PCDH17: variants seen among roughly 807,000 people sequenced by gnomAD.
The protein encoded by PCDH17 is protocadherin-17.
A neutral mutation model predicts 67.7 loss-of-function variants in PCDH17; 21 were observed. That is an observed-to-expected ratio of 0.31 (90% CI 0.22 to 0.45). The LOEUF is 0.45. Among genes scored for constraint, PCDH17 ranks in the 20% least tolerant of loss-of-function variants. PCDH17 has a pLI of 1.00. For synonymous variants in PCDH17, 701 were observed against 656.7 expected (o/e 1.07, Z -1.03); for missense variants, 1,471 against 1,564.8 (o/e 0.94, Z 1.01).
intron 3 of PCDH17, among the ~76,000 whole-genome samples, chr13:57,710,608 C>A (rs1955767498): frequency 6.6e-6 from 1 of 151,850 alleles, no homozygotes; most frequent in Non-Finnish European, 1.5e-5. Context: ...TTATACCATT[C>A]TACGTCTGGA....
At chr13:57,705,022 C>A (rs1054591032) in intron 3 of PCDH17, among the ~76,000 whole-genome samples, 3 of 152,006 alleles carry the variant, frequency 2.0e-5, no homozygotes, top group Middle Eastern at 3.4e-3. Context: ...GTCTCAATTT[C>A]TTTTTAAAGC....
At chr13:57,630,319 T>C (rs1226551270), upstream of PCDH17, among the ~76,000 whole-genome samples, 1 of 149,676 alleles carries the variant, frequency 6.7e-6, no homozygotes, top group Non-Finnish European at 1.5e-5. Flanking sequence ...GACACCAGAC[T>C]GAAAGAGACC....
intron 3 of PCDH17, among the ~76,000 whole-genome samples, chr13:57,704,564 C>CAAAA (rs112583999): frequency 3.3e-5 from 4 of 122,292 alleles, no homozygotes; most frequent in African/African-American, 1.2e-4. Flanking sequence ...AATCTCTATC[C>CAAAA]AAAAAAAAAA....
At chr13:57,665,555 C>T (rs74921681) in intron 1 of PCDH17, among the ~76,000 whole-genome samples, 8,986 of 151,964 alleles carry the variant, frequency 0.059, 400 homozygotes, top group East Asian at 0.25. Flanking sequence ...AGTATAATGC[C>T]GTGATATGAA....
In PCDH17 at chr13:57,670,580, A is replaced by T. The variant is rs995913297; in HGVS notation, c.2797+3747A>T. Among the ~76,000 whole-genome samples, 13 of 149,300 alleles carry T rather than the reference A, an allele frequency of 8.7e-5. No homozygotes were observed. The East Asian group carries it at 1.7e-3, about 20-fold the overall frequency. On this transcript the variant is annotated intron_variant, in intron 3 of 3. Coordinates refer to ENST00000377918, the MANE Select transcript of PCDH17 (RefSeq NM_001040429.3). The stretch of plus-strand genomic sequence containing the variant: ...TAGAATATAATTTAAAAATATATAT[A>T]TTTTTTCCAATTTAAATGATCTCAT...
intron 3 of PCDH17, among the ~76,000 whole-genome samples, chr13:57,717,369 A>C (rs1955827183): frequency 1.3e-5 from 2 of 151,988 alleles, no homozygotes; most frequent in African/African-American, 2.4e-5. Context: ...CCTTATCATA[A>C]ATTTCATTTC....
At chr13:57,650,517 C>G (rs1955023554) in intron 1 of PCDH17, among the ~76,000 whole-genome samples, 1 of 152,030 alleles carries the variant, frequency 6.6e-6, no homozygotes. Context: ...GGAAAAACAA[C>G]AACTATTACA....
At chr13:57,700,930 G>A (rs941578616) in intron 3 of PCDH17, among the ~76,000 whole-genome samples, 2 of 152,060 alleles carry the variant, frequency 1.3e-5, no homozygotes, top group Non-Finnish European at 2.9e-5. Context: ...GTCGGAGGTT[G>A]AGGCAGGAGG....
At chr13:57,643,192 A>T (rs1191461723) in intron 1 of PCDH17, among the ~76,000 whole-genome samples, 1 of 151,536 alleles carries the variant, frequency 6.6e-6, no homozygotes, top group East Asian at 1.9e-4. Context: ...ACCTAACCAC[A>T]TGTGTAAAGT....
chr13:57,665,172 T>TGGGG (rs549277336), intron 1 of PCDH17, among the ~76,000 whole-genome samples: 14 of 150,496 alleles, frequency 9.3e-5, no homozygotes, highest in African/African-American at 3.4e-4. Flanking sequence ...AAGAAATTTG[T>TGGGG]GGGGGGGGTT....
intron 3 of PCDH17, among the ~76,000 whole-genome samples, chr13:57,706,029 A>T (rs1486644232): frequency 1.3e-5 from 2 of 152,004 alleles, no homozygotes; most frequent in Admixed American, 6.6e-5. Flanking sequence ...AAAAAAAAAA[A>T]AATACCCTTA....
chr13:57,652,917 A>G (rs1236558174), intron 1 of PCDH17, among the ~76,000 whole-genome samples: 1 of 152,130 alleles, frequency 6.6e-6, no homozygotes, highest in Non-Finnish European at 1.5e-5. Flanking sequence ...TGGTTCCTAG[A>G]TTGCAGGTCA....
At chr13:57,665,065 T>G (rs899647767) in intron 1 of PCDH17, among the ~76,000 whole-genome samples, 2 of 152,160 alleles carry the variant, frequency 1.3e-5, no homozygotes, top group Non-Finnish European at 2.9e-5. Context: ...TGCATGTACT[T>G]TGACATGCAG....
At chr13:57,642,205 G>A (rs771827683) in intron 1 of PCDH17, among the ~76,000 whole-genome samples, 7 of 151,554 alleles carry the variant, frequency 4.6e-5, no homozygotes, top group Non-Finnish European at 8.9e-5. Context: ...AACTTTTAAT[G>A]TTTTTGATTG....
intron 3 of PCDH17, among the ~76,000 whole-genome samples, chr13:57,719,365 A>G (rs544783173): frequency 1.3e-5 from 2 of 152,134 alleles, no homozygotes; most frequent in African/African-American, 4.8e-5. Context: ...CCTGGCCACA[A>G]CAATTTAGAC....
chr13:57,660,049 A>G (rs994841050), intron 1 of PCDH17, among the ~76,000 whole-genome samples: 1 of 152,108 alleles, frequency 6.6e-6, no homozygotes, highest in Non-Finnish European at 1.5e-5. Flanking sequence ...GACTAGGGCA[A>G]CTTGGCAAAA....
Position 57,729,290 on chromosome 13 carries a change from G to T in PCDH17, c.*3996G>T, listed in dbSNP as rs1038603972. ...GATCTATCTGGAAAATGAGGACTCC[G>T]AATAAAAAGCTATTACTAATAGTGG... On this transcript the variant is annotated 3_prime_UTR_variant, in exon 4 of 4. Transcript: ENST00000377918. 1 of 152,006 alleles carries T rather than the reference G, an allele frequency of 6.6e-6. No individual in the cohort carries two copies. Among genetic ancestry groups the T allele is most frequent in the African/African-American group, 2.4e-5 (1 of 41,406 alleles). 9.4% of individuals were successfully genotyped at this position (152,006 alleles called of 1,614,324 possible).
Position 57,727,674 on chromosome 13 carries a change from C to G in PCDH17, c.*2380C>G, listed in dbSNP as rs138137253. On this transcript the variant is annotated 3_prime_UTR_variant, in exon 4 of 4. Coordinates refer to ENST00000377918, the MANE Select transcript of PCDH17 (RefSeq NM_001040429.3). ...TTGTACATGTGAAACCTAATTGACT[C>G]TCTATATTTTGGACAATTTATGTAT... 6.6e-6 allele frequency: 1 copy of G among 152,180 alleles called. No homozygotes were observed. The highest frequency in any genetic ancestry group is 1.5e-5 in the Non-Finnish European group (1 of 67,980). The allele number at this position is 152,180 out of a possible 1,614,324, so 9.4% of individuals were successfully genotyped here.
rs1955914855 is a variant in PCDH17, at chr13:57,726,118, A to G, written c.*824A>G. 1 of 152,668 alleles carries G rather than the reference A, an allele frequency of 6.6e-6. No homozygotes were observed. The highest frequency in any genetic ancestry group is 2.1e-4 in the South Asian group (1 of 4,836). The allele number at this position is 152,668 out of a possible 1,614,324, so 9.5% of individuals were successfully genotyped here. ...ATGATGAATATGTTTTAAATTTGACATAGAAAAGTTCTAAAAAATAGTTAC... is the reference window on the plus strand; with the variant it reads ...ATGATGAATATGTTTTAAATTTGACGTAGAAAAGTTCTAAAAAATAGTTAC... On this transcript the variant is annotated 3_prime_UTR_variant, in exon 4 of 4. Transcript: ENST00000377918.
Sources: gnomAD v4.1 joint callset for allele counts (sites outside exome capture counted in the v4.1 genomes callset) on GRCh38, gnomAD v4.1.1 for gene constraint, MANE v1.5 for transcripts, NCBI Gene and HGNC (gene_info 2026-07-23, HGNC 2026-07-21) for gene names.